EEF1A2: variants seen among roughly 807,000 people sequenced by gnomAD.
EEF1A2 encodes elongation factor 1-alpha 2.
A neutral mutation model predicts 39.3 loss-of-function variants in EEF1A2; 5 were observed. The ratio of observed to expected loss-of-function variants is 0.13; its 90% CI spans 0.07 to 0.27. EEF1A2 has a LOEUF of 0.27. Among genes scored for constraint, EEF1A2 ranks in the 10% least tolerant of loss-of-function variants. The pLI is 1.00. For synonymous variants in EEF1A2, 287 were observed against 293.7 expected (o/e 0.98, Z 0.23); for missense variants, 218 against 681.4 (o/e 0.32, Z 7.57).
chr20:63,488,679 CG>C (rs1005533142), intron 7 of EEF1A2, among the ~76,000 whole-genome samples: 36 of 152,326 alleles, frequency 2.4e-4, no homozygotes, highest in African/African-American at 8.2e-4. Flanking sequence ...TCCTCACTCG[CG>C]GGGCCTCCCT....
At position 63,495,997 on chromosome 20, in the gene EEF1A2, G is replaced by A. The variant is rs147929770; in HGVS notation, c.183C>T (p.Asp61=). The change falls in exon 3 of 8, where the codon GAC becomes GAT. Residue 61 remains aspartate (D), a synonymous_variant. Coordinates refer to ENST00000217182, the MANE Select transcript of EEF1A2 (RefSeq NM_001958.5). Reference sequence around the variant, plus strand: ...CGCGCTCACGCTCCGCCTTCAGCTTGTCCAGCACCCAGGCATACTTGAAGG... The same window carrying A: ...CGCGCTCACGCTCCGCCTTCAGCTTATCCAGCACCCAGGCATACTTGAAGG... ...KGSFKYAWVL[D]KLKAERERGI... The A allele has an allele frequency of 1.1e-4, 180 of 1,612,844 alleles. No homozygotes were observed. The highest frequency in any genetic ancestry group is 1.4e-4 in the Non-Finnish European group (166 of 1,179,948).
At chr20:63,492,805 G>C (rs1391234492) in intron 5 of EEF1A2, among the ~76,000 whole-genome samples, 5 of 61,622 alleles carry the variant, frequency 8.1e-5, no homozygotes, top group Admixed American at 6.4e-4. Context: ...GGGATGGTTC[G>C]ATAGAGAGAA....
chr20:63,488,337 G>A lies in EEF1A2; in HGVS notation c.1353C>T (p.Val451=), dbSNP rs2082362052. The part of the protein sequence containing the change: ...VEKKSGGAGK[V]TKSAQKAQKA... ...TCTGCGCCTTCTGCGCCGACTTGGTGACCTTGCCGGCGCCGCCGCTCTTCT... is the reference window on the plus strand; with the variant it reads ...TCTGCGCCTTCTGCGCCGACTTGGTAACCTTGCCGGCGCCGCCGCTCTTCT... Residue 451 remains valine (V), a synonymous_variant, in exon 8 of 8, where the codon GTC becomes GTT. Coordinates refer to ENST00000217182, the MANE Select transcript of EEF1A2 (RefSeq NM_001958.5). 6.8e-7 allele frequency: 1 copy of A among 1,462,872 alleles called. No individual in the cohort carries two copies. The highest frequency in any genetic ancestry group is 9.0e-7 in the Non-Finnish European group (1 of 1,107,636). 90.6% of individuals were successfully genotyped at this position (1,462,872 alleles called of 1,614,324 possible).
At position 63,490,697 on chromosome 20, in the gene EEF1A2, T is replaced by C. The variant is rs1600903643; in HGVS notation, c.811A>G (p.Ile271Val). 2 of 1,607,774 alleles carry C rather than the reference T, an allele frequency of 1.2e-6. No homozygotes were observed. Among genetic ancestry groups the C allele is most frequent in the Admixed American group, 1.7e-5 (1 of 60,004 alleles). Residue 271 changes from isoleucine (I) to valine (V), a missense_variant, in exon 6 of 8, where the codon ATC becomes GTC. Ile to Val is a conservative substitution (Grantham distance 29). This residue lies in a region of EEF1A2 where 80 missense variants were observed against 295.9 expected (regional missense o/e 0.27). Coordinates refer to ENST00000217182, the MANE Select transcript of EEF1A2 (RefSeq NM_001958.5). ...TVPVGRVETG[I>V]LRPGMVVTFA... ...GTCACCACCATGCCCGGCCGCAGGATGCCGGTCTCCACCCGGCCCACGGGC... is the reference window on the plus strand; with the variant it reads ...GTCACCACCATGCCCGGCCGCAGGACGCCGGTCTCCACCCGGCCCACGGGC...
chr20:63,490,869 A>T, intron 5 of EEF1A2, 134 bp from the exon 6 acceptor site: 5 of 1,069,816 alleles, frequency 4.7e-6, no homozygotes, highest in Non-Finnish European at 5.3e-6. Flanking sequence ...TTGGGGCCAC[A>T]TGGGCGGAGT....
Position 63,497,855 on chromosome 20 carries a change from G to C in EEF1A2, c.-71-21C>G. ...TGATTCTGTGGGGCCAGTGGTGGTG[G>C]GGAGACCGGTGATGGGGAGCCCCAG... is the stretch of plus-strand genomic sequence containing the variant. On this transcript the variant is annotated intron_variant, in intron 1 of 7. Coordinates refer to ENST00000217182, the MANE Select transcript of EEF1A2 (RefSeq NM_001958.5). The surrounding 1 kb of genome is among the most constrained non-coding windows in gnomAD (Gnocchi z 7.3). The C allele has an allele frequency of 1.3e-6, 2 of 1,518,330 alleles. No individual in the cohort carries two copies. The highest frequency in any genetic ancestry group is 1.8e-6 in the Non-Finnish European group (2 of 1,125,998). The allele number at this position is 1,518,330 out of a possible 1,614,324, so 94.1% of individuals were successfully genotyped here.
At position 63,497,774 on chromosome 20, in the gene EEF1A2, G is replaced by A; in HGVS notation, c.-11C>T. 9 of 1,610,860 alleles carry A rather than the reference G, an allele frequency of 5.6e-6. No individual in the cohort carries two copies. The highest frequency in any genetic ancestry group is 6.8e-6 in the Non-Finnish European group (8 of 1,178,562). ...CTTCTCCTTGCCCATTTTGCTGGGA[G>A]TGTGAGGGGCTGGCGGGACCCGGGG... On this transcript the variant is annotated 5_prime_UTR_variant, in exon 2 of 8. Coordinates refer to ENST00000217182, the MANE Select transcript of EEF1A2 (RefSeq NM_001958.5). The surrounding 1 kb of genome is among the most constrained non-coding windows in gnomAD (Gnocchi z 7.3).
At chr20:63,496,251 A>T in intron 2 of EEF1A2, 1 of 592,664 alleles carries the variant, frequency 1.7e-6, no homozygotes, top group South Asian at 2.1e-5. Context: ...CCTGCTCCGA[A>T]ATGGGCGCGG....
intron 4 of EEF1A2, among the ~76,000 whole-genome samples, chr20:63,494,221 G>A (rs1422871779): frequency 6.6e-6 from 1 of 152,232 alleles, no homozygotes; most frequent in Non-Finnish European, 1.5e-5. Context: ...ACAGTCTCAG[G>A]TTCTGCAAGT....
At chr20:63,493,899 C>T (rs1224191230) in intron 4 of EEF1A2, among the ~76,000 whole-genome samples, 1 of 152,262 alleles carries the variant, frequency 6.6e-6, no homozygotes, top group Non-Finnish European at 1.5e-5. Flanking sequence ...GCAGCTCAGG[C>T]CAGAGGGGAG....
At chr20:63,491,720 G>C (rs1260712998) in intron 5 of EEF1A2, among the ~76,000 whole-genome samples, 1 of 149,764 alleles carries the variant, frequency 6.7e-6, no homozygotes, top group Non-Finnish European at 1.5e-5. Flanking sequence ...ATGGACAGAA[G>C]GATGGGTGGG....
intron 4 of EEF1A2, among the ~76,000 whole-genome samples, chr20:63,494,107 G>A (rs2082405244): frequency 6.6e-6 from 1 of 152,244 alleles, no homozygotes; most frequent in African/African-American, 2.4e-5. Flanking sequence ...TCTCCCTGCT[G>A]TCTCTAGACT....
At chr20:63,493,328 G>C in intron 4 of EEF1A2, 41 bp from the exon 5 acceptor site, 1 of 1,468,464 alleles carries the variant, frequency 6.8e-7, no homozygotes, top group Non-Finnish European at 9.1e-7. Context: ...AGAGACATTG[G>C]TGGCCTCCCC....
intron 7 of EEF1A2, 41 bp downstream of exon 7, chr20:63,488,877 A>G: frequency 6.3e-7 from 1 of 1,596,586 alleles, no homozygotes; most frequent in Non-Finnish European, 8.5e-7. Context: ...TGGATCAGCC[A>G]CAGCCTGGGG....
intron 5 of EEF1A2, among the ~76,000 whole-genome samples, chr20:63,491,633 G>A (rs1195654413): frequency 6.6e-6 from 1 of 152,088 alleles, no homozygotes; most frequent in Non-Finnish European, 1.5e-5. Flanking sequence ...TGGATGGATG[G>A]ATGGACGGAT....
chr20:63,496,073 G>T, intron 2 of EEF1A2, 38 bp from the exon 3 acceptor site: 2 of 1,607,282 alleles, frequency 1.2e-6, no homozygotes, highest in Non-Finnish European at 1.7e-6. Flanking sequence ...GGCGGGACCC[G>T]GGACCCAGGA....
At chr20:63,491,306 G>C (rs1220802627) in intron 5 of EEF1A2, among the ~76,000 whole-genome samples, 1 of 152,234 alleles carries the variant, frequency 6.6e-6, no homozygotes, top group African/African-American at 2.4e-5. Flanking sequence ...CAGGCACAGC[G>C]GCACATGAGC....
chr20:63,491,920 A>ATG (rs1568995635), intron 5 of EEF1A2, among the ~76,000 whole-genome samples: 3 of 36,230 alleles, frequency 8.3e-5, no homozygotes, highest in African/African-American at 1.8e-4. Flanking sequence ...ATGGGGGGAT[A>ATG]GATGGATGGA....
At chr20:63,491,696 G>A (rs1277466668) in intron 5 of EEF1A2, among the ~76,000 whole-genome samples, 5 of 150,824 alleles carry the variant, frequency 3.3e-5, no homozygotes, top group African/African-American at 1.2e-4. Context: ...GGTGGTAGAT[G>A]GATGGGGAGG....
Sources: allele counts gnomAD v4.1 joint callset (sites outside exome capture counted in the v4.1 genomes callset), GRCh38; gene constraint gnomAD v4.1.1; regional missense constraint gnomAD v4.1.1; non-coding constraint Gnocchi (gnomAD v3.1); transcripts MANE v1.5; gene names NCBI Gene and HGNC (gene_info 2026-07-23, HGNC 2026-07-21).